The following ARL5A variants were observed in gnomAD, a reference collection of about 807,000 sequenced individuals.
ARL5A encodes the protein ADP-ribosylation factor-like protein 5A.
ARL5A carries 18 observed loss-of-function variants against 25.9 expected under a neutral mutation model. The ratio of observed to expected loss-of-function variants is 0.69; its 90% confidence interval spans 0.48 to 1.03. ARL5A has a LOEUF of 1.03. ARL5A is among the 50% of genes least tolerant of loss of function. The pLI is 0.00. For missense variants in ARL5A, 170 were observed against 211.9 expected (o/e 0.80, Z 1.23); for synonymous variants, 61 against 67.5 (o/e 0.90, Z 0.47).
chr2:151,824,512 T>C (rs1002256184), intron 1 of ARL5A, among the ~76,000 whole-genome samples: 3 of 151,490 alleles, frequency 2.0e-5, no homozygotes, highest in Non-Finnish European at 4.4e-5. Flanking sequence ...ATAACAACAA[T>C]AATAAGCCAG....
intron 1 of ARL5A, among the ~76,000 whole-genome samples, chr2:151,818,626 G>A (rs893715502): frequency 3.3e-5 from 5 of 152,194 alleles, no homozygotes; most frequent in Non-Finnish European, 5.9e-5. Context: ...CCAGGTAATC[G>A]AGTCCTTGGG....
intron 4 of ARL5A, among the ~76,000 whole-genome samples, chr2:151,808,581 C>CT (rs1559818730): frequency 6.6e-6 from 1 of 152,172 alleles, no homozygotes; most frequent in Non-Finnish European, 1.5e-5. Flanking sequence ...AGGAATACTG[C>CT]TACAATGTTT....
intron 5 of ARL5A, among the ~76,000 whole-genome samples, chr2:151,805,064 C>T (rs2099829910): frequency 6.6e-6 from 1 of 151,976 alleles, no homozygotes; most frequent in African/African-American, 2.4e-5. Flanking sequence ...TATGTCAATC[C>T]TAGATGACGT....
At position 151,806,794 on chromosome 2, in the gene ARL5A, A is replaced by G. The variant is rs146437746; in HGVS notation, c.491+27T>C. ...TGTTACTAAGCAAAATAAATGTTCG[A>G]TAACATTTAAGAGGAAGATGTCTTA... On this transcript the variant is annotated intron_variant, in intron 5 of 5. Transcript: ENST00000295087. 5.3e-4 allele frequency: 836 copies of G among 1,579,254 alleles called. 12 individuals are homozygous for G. The East Asian group carries it at 0.014, about 27-fold the overall frequency.
intron 5 of ARL5A, among the ~76,000 whole-genome samples, chr2:151,805,314 T>C (rs546972398): frequency 6.6e-6 from 1 of 152,238 alleles, no homozygotes; most frequent in Non-Finnish European, 1.5e-5. Context: ...CCTTCAATAA[T>C]TCGTTATATT....
rs1376175402 is a variant in ARL5A at position 151,802,597 on chromosome 2, C to T, written c.*679G>A. On this transcript the variant is annotated 3_prime_UTR_variant, in exon 6 of 6. Transcript: ENST00000295087. ...ATCGATACACAATGTCATGCTTTTT[C>T]CTTTTCCTTTTTTTTTTTTTTAAAC... is the stretch of plus-strand genomic sequence containing the variant. The T allele has an allele frequency of 6.6e-6, 1 of 151,382 alleles. No homozygotes were observed. Among genetic ancestry groups the T allele is most frequent in the Admixed American group, 6.6e-5 (1 of 15,140 alleles). The allele number at this position is 151,382 out of a possible 1,614,324, so 9.4% of individuals were successfully genotyped here.
intron 3 of ARL5A, 82 bp from the exon 4 acceptor site, chr2:151,812,522 G>C: frequency 1.2e-5 from 10 of 835,164 alleles, no homozygotes; most frequent in Non-Finnish European, 1.6e-5. Context: ...TGACATACAG[G>C]CTATTAATAT....
rs888116027 is a variant in ARL5A at position 151,824,747 on chromosome 2, G to A, written c.46+3384C>T. 3.3e-5 allele frequency among the ~76,000 whole-genome samples: 5 copies of A among 152,072 alleles called. No individual in the cohort carries two copies. In the East Asian group the frequency reaches 5.8e-4, roughly 18 times the overall value. On this transcript the variant is annotated intron_variant, in intron 1 of 5. Transcript: ENST00000295087. The stretch of plus-strand genomic sequence containing the variant: ...TACACGAAGTTGTGTGCAAATGTGC[G>A]TGCGTGCATGTGTGTGTAGAACTAA...
Position 151,822,573 on chromosome 2 carries a change from C to T in ARL5A, c.46+5558G>A, listed in dbSNP as rs959374559. ...AATGTAAATTTGTAGCCAAAAAGTG[C>T]TATAATGCACTTCGAAATAAAGACT... is the stretch of plus-strand genomic sequence containing the variant. On this transcript the variant is annotated intron_variant, in intron 1 of 5. Coordinates refer to ENST00000295087, the MANE Select transcript of ARL5A (RefSeq NM_012097.4). 2.0e-5 allele frequency among the ~76,000 whole-genome samples: 3 copies of T among 152,212 alleles called. No homozygotes were observed. The East Asian group carries it at 5.8e-4, about 29-fold the overall frequency.
intron 1 of ARL5A, among the ~76,000 whole-genome samples, chr2:151,820,195 T>C (rs541086720): frequency 3.3e-5 from 5 of 152,348 alleles, no homozygotes; most frequent in East Asian, 1.9e-4. Flanking sequence ...AGATGCATCA[T>C]CTTTTACAAC....
At chr2:151,817,692 TAAGAATAATTTAAAG>T (rs2099831704) in intron 1 of ARL5A, among the ~76,000 whole-genome samples, 1 of 152,142 alleles carries the variant, frequency 6.6e-6, no homozygotes, top group Non-Finnish European at 1.5e-5. Context: ...TATGAGTTAT[TAAGAATAATTTAAAG>T]ACCTAGGGCC....
chr2:151,805,232 T>C (rs202095748), intron 5 of ARL5A, among the ~76,000 whole-genome samples: 1 of 150,766 alleles, frequency 6.6e-6, no homozygotes, highest in East Asian at 1.9e-4. Flanking sequence ...TTTTTTTTAA[T>C]TAAAAAACCT....
rs1159665787 is a variant in ARL5A at position 151,815,141 on chromosome 2, T to C, written c.105A>G (p.Gln35=). ...TTTTTAAAATAGTTAATACTTACAA[T>C]TGGTAAAGAATGGTAGTTTTCCCTG... The part of the protein sequence containing the change: ...DNAGKTTILY[Q]FSMNEVVHTS... Residue 35 remains glutamine (Q), a splice_region_variant and synonymous_variant, in exon 2 of 6, where the codon CAA becomes CAG. Transcript: ENST00000295087. 4 of 1,602,544 alleles carry C rather than the reference T, an allele frequency of 2.5e-6. No individual in the cohort carries two copies. Among genetic ancestry groups the C allele is most frequent in the Non-Finnish European group, 2.6e-6 (3 of 1,173,608 alleles).
rs1342785682 is a variant in ARL5A, at chr2:151,800,955, T to TA, written c.*2320dup. The TA allele has an allele frequency of 6.6e-6, 1 of 152,612 alleles. No homozygotes were observed. The highest frequency in any genetic ancestry group is 1.9e-4 in the East Asian group (1 of 5,202). 9.5% of individuals were successfully genotyped at this position (152,612 alleles called of 1,614,324 possible). Reference sequence around the variant, plus strand: ...GCATCTCCCTCTGCTTAATTCCACTTAAACTACATAAAAATTGCCAATATG... The same window carrying TA: ...GCATCTCCCTCTGCTTAATTCCACTTAAAACTACATAAAAATTGCCAATATG... On this transcript the variant is annotated 3_prime_UTR_variant, in exon 6 of 6. Coordinates refer to ENST00000295087, the MANE Select transcript of ARL5A (RefSeq NM_012097.4).
intron 1 of ARL5A, among the ~76,000 whole-genome samples, chr2:151,820,710 G>A (rs993782593): frequency 8.6e-5 from 13 of 150,916 alleles, no homozygotes; most frequent in African/African-American, 2.7e-4. Flanking sequence ...CTGGCATGGT[G>A]GAAAATGTTA....
At chr2:151,820,660 CAAAAAAAAAAAAAA>C (rs71410438) in intron 1 of ARL5A, among the ~76,000 whole-genome samples, 3 of 45,062 alleles carry the variant, frequency 6.7e-5, no homozygotes, top group African/African-American at 3.0e-4. Flanking sequence ...ATCCTGTCTC[CAAAAAAAAAAAAAA>C]AAAAAAAAAA....
In ARL5A at chr2:151,812,692, C is replaced by A. The variant is rs1281252390; in HGVS notation, c.256-252G>T. Among the ~76,000 whole-genome samples the A allele has an allele frequency of 4.6e-5, 7 of 152,080 alleles. No homozygotes were observed. In the East Asian group the frequency reaches 1.4e-3, roughly 29 times the overall value. On this transcript the variant is annotated intron_variant, in intron 3 of 5. Coordinates refer to ENST00000295087, the MANE Select transcript of ARL5A (RefSeq NM_012097.4). ...AATATATATAACGCATGTCTGTTTT[C>A]TAAACTAGTATCTTGAATGCTAATG...
chr2:151,802,304 C>T lies in ARL5A; in HGVS notation c.*972G>A, dbSNP rs186969549. ...GTTTAATAGTATTTATAGAATGCTACTTTTCTGGGTAGACATGTTTCACAA... is the reference window on the plus strand; with the variant it reads ...GTTTAATAGTATTTATAGAATGCTATTTTTCTGGGTAGACATGTTTCACAA... On this transcript the variant is annotated 3_prime_UTR_variant, in exon 6 of 6. Coordinates refer to ENST00000295087, the MANE Select transcript of ARL5A (RefSeq NM_012097.4). The T allele has an allele frequency of 1.3e-5, 2 of 152,160 alleles. No homozygotes were observed. Among genetic ancestry groups the T allele is most frequent in the Non-Finnish European group, 2.9e-5 (2 of 67,956 alleles). 9.4% of individuals were successfully genotyped at this position (152,160 alleles called of 1,614,324 possible).
intron 4 of ARL5A, among the ~76,000 whole-genome samples, chr2:151,811,417 C>A (rs2099830825): frequency 1.3e-5 from 2 of 151,758 alleles, no homozygotes; most frequent in Non-Finnish European, 2.9e-5. Context: ...AATAAGATAT[C>A]CAAAAATAAT....
Sources: allele counts gnomAD v4.1 joint callset (sites outside exome capture counted in the v4.1 genomes callset), GRCh38; gene constraint gnomAD v4.1.1; transcripts MANE v1.5; gene names NCBI Gene and HGNC (gene_info 2026-07-23, HGNC 2026-07-21).